Variants in NAALADL2 observed in about 807,000 individuals in gnomAD.
NAALADL2 encodes N-acetylated alpha-linked acidic dipeptidase like 2.
Under a neutral mutation model 87.2 loss-of-function variants are expected in NAALADL2, and 76 were observed. That is an observed-to-expected ratio of 0.87 (90% confidence interval 0.72 to 1.05). The LOEUF (loss-of-function observed/expected upper bound fraction) is 1.05. NAALADL2 is among the 50% of genes least tolerant of loss of function. The probability of loss-of-function intolerance (pLI) is 0.00; values close to 1 mark genes in which losing one functional copy is unlikely to be tolerated. For missense variants in NAALADL2, 1,089 were observed against 945.8 expected, an observed-to-expected ratio of 1.15 and a Z score of -1.99; for synonymous variants, 354 against 331.0, an observed-to-expected ratio of 1.07 and a Z score of -0.75.
At chr3:175,799,557 A>AC (rs1215544415) in intron 13 of NAALADL2, among the ~76,000 whole-genome samples, 2 of 152,088 alleles carry the variant, frequency 1.3e-5, no homozygotes, top group African/African-American at 4.8e-5. Context: ...GCCTGAAAAA[A>AC]CTAACTTTTG....
At chr3:174,641,517 G>A (rs1723185461) in intron 2 of NAALADL2, among the ~76,000 whole-genome samples, 1 of 152,202 alleles carries the variant, frequency 6.6e-6, no homozygotes, top group African/African-American at 2.4e-5. Flanking sequence ...CACACACCGT[G>A]TTAACGATGC....
At chr3:174,971,558 T>C (rs934964439) in intron 1 of NAALADL2, among the ~76,000 whole-genome samples, 2 of 152,176 alleles carry the variant, frequency 1.3e-5, no homozygotes, top group African/African-American at 4.8e-5. Flanking sequence ...GAAATCTTTC[T>C]CAAATTAAAT....
At position 175,184,631 on chromosome 3, in the gene NAALADL2, G is replaced by A. The variant is rs73043259; in HGVS notation, c.546-49300G>A. ...AGATAATTAAAGTTACTTCCTCTTT[G>A]TAGTGCTTTATAGATTTTTGTAGTT... is the stretch of plus-strand genomic sequence containing the variant. On this transcript the variant is annotated intron_variant, in intron 2 of 13. Coordinates refer to ENST00000454872, the MANE Select transcript of NAALADL2 (RefSeq NM_207015.3). Among the ~76,000 whole-genome samples the A allele has an allele frequency of 8.2e-3, 1,252 of 151,910 alleles. 19 individuals are homozygous for A. The highest frequency in any genetic ancestry group is 0.028 in the African/African-American group (1,177 of 41,458).
At chr3:175,424,897 A>T (rs1283667531) in intron 5 of NAALADL2, among the ~76,000 whole-genome samples, 1 of 152,178 alleles carries the variant, frequency 6.6e-6, no homozygotes, top group Non-Finnish European at 1.5e-5. Context: ...TTGCAATTTT[A>T]AATAGACACC....
At chr3:175,093,416 T>TATATATATAGA (rs1489640629) in intron 1 of NAALADL2, among the ~76,000 whole-genome samples, 1 of 139,524 alleles carries the variant, frequency 7.2e-6, no homozygotes, top group Non-Finnish European at 1.5e-5. Context: ...TTTTATTTTT[T>TATATATATAGA]TATATATATA....
At chr3:175,284,166 A>AT (rs1295686400) in intron 4 of NAALADL2, among the ~76,000 whole-genome samples, 15 of 136,956 alleles carry the variant, frequency 1.1e-4, no homozygotes, top group Admixed American at 5.5e-4. Context: ...GCAAAGGATA[A>AT]TTTTTTTCCT....
At chr3:174,698,089 C>CA (rs1282769115) in intron 2 of NAALADL2, among the ~76,000 whole-genome samples, 6 of 151,458 alleles carry the variant, frequency 4.0e-5, no homozygotes, top group African/African-American at 9.7e-5. Flanking sequence ...GACTCCGTCT[C>CA]AAAAAAATAA....
chr3:175,468,124 A>G (rs1724361128), intron 8 of NAALADL2, among the ~76,000 whole-genome samples: 1 of 151,902 alleles, frequency 6.6e-6, no homozygotes, highest in Non-Finnish European at 1.5e-5. Context: ...CTATTAAATC[A>G]AAGAAAATAT....
intron 13 of NAALADL2, among the ~76,000 whole-genome samples, chr3:175,772,263 ATTTAT>A (rs1395327226): frequency 6.6e-6 from 1 of 151,086 alleles, no homozygotes; most frequent in African/African-American, 2.5e-5. Context: ...ATTCAGCTTT[ATTTAT>A]TTTTTTTTTT....
At chr3:174,667,847 GT>G (rs1726121283) in intron 2 of NAALADL2, among the ~76,000 whole-genome samples, 1 of 151,976 alleles carries the variant, frequency 6.6e-6, no homozygotes, top group Non-Finnish European at 1.5e-5. Flanking sequence ...AAATAACAAT[GT>G]TTTCTTTTTT....
chr3:174,627,581 G>C (rs189925259), intron 2 of NAALADL2, among the ~76,000 whole-genome samples: 1 of 152,152 alleles, frequency 6.6e-6, no homozygotes, highest in East Asian at 1.9e-4. Context: ...TCCCACTACT[G>C]CATGTTGTGT....
At chr3:174,649,055 G>A (rs550760514) in intron 2 of NAALADL2, among the ~76,000 whole-genome samples, 9 of 152,196 alleles carry the variant, frequency 5.9e-5, no homozygotes, top group African/African-American at 1.9e-4. Context: ...CTGCCTCCCA[G>A]GTTCAAGTGA....
intron 1 of NAALADL2, among the ~76,000 whole-genome samples, chr3:175,092,683 T>A (rs1720364643): frequency 1.3e-5 from 2 of 151,938 alleles, no homozygotes. Flanking sequence ...TATTCATTAT[T>A]ATTAATCTAA....
At chr3:175,733,046 T>C (rs754907989) in intron 11 of NAALADL2, among the ~76,000 whole-genome samples, 3 of 152,140 alleles carry the variant, frequency 2.0e-5, no homozygotes, top group Non-Finnish European at 4.4e-5. Context: ...ATCCTGCACA[T>C]GTACCCCAGA....
intron 11 of NAALADL2, among the ~76,000 whole-genome samples, chr3:175,644,331 G>C (rs1367068187): frequency 6.6e-6 from 1 of 151,756 alleles, no homozygotes; most frequent in Non-Finnish European, 1.5e-5. Flanking sequence ...TTAGTCCTTT[G>C]AGGTTCTTAA....
At chr3:175,607,208 A>G (rs1017746090) in intron 10 of NAALADL2, among the ~76,000 whole-genome samples, 6 of 145,450 alleles carry the variant, frequency 4.1e-5, no homozygotes, top group Non-Finnish European at 6.1e-5. Flanking sequence ...TGTAAATATA[A>G]TATGCACACA....
chr3:174,658,854 T>A (rs1450435481), intron 2 of NAALADL2, among the ~76,000 whole-genome samples: 1 of 152,204 alleles, frequency 6.6e-6, no homozygotes, highest in African/African-American at 2.4e-5. Context: ...TTGAAGTTGA[T>A]GAAATATACT....
intron 4 of NAALADL2, among the ~76,000 whole-genome samples, chr3:175,261,418 A>T (rs1382289335): frequency 6.6e-6 from 1 of 152,124 alleles, no homozygotes. Flanking sequence ...TGAAACATGG[A>T]GGTTGGGCTG....
At chr3:175,330,231 A>C (rs1328159679) in intron 5 of NAALADL2, among the ~76,000 whole-genome samples, 1 of 152,206 alleles carries the variant, frequency 6.6e-6, no homozygotes, top group Non-Finnish European at 1.5e-5. Flanking sequence ...CGATATGATT[A>C]GTTTAAAAAT....
Sources: gnomAD v4.1 joint callset for allele counts (sites outside exome capture counted in the v4.1 genomes callset) on GRCh38, gnomAD v4.1.1 for gene constraint, MANE v1.5 for transcripts, NCBI Gene and HGNC (gene_info 2026-07-23, HGNC 2026-07-21) for gene names.